KLHDC2: variants seen among roughly 807,000 people sequenced by gnomAD.
KLHDC2 encodes kelch domain containing 2.
Under a neutral mutation model 62.3 loss-of-function variants are expected in KLHDC2, and 38 were observed. The ratio of observed to expected loss-of-function variants is 0.61; its 90% confidence interval spans 0.47 to 0.80. The LOEUF (loss-of-function observed/expected upper bound fraction) is 0.80, where lower values mean the gene tolerates loss of function less well. KLHDC2 is among the 30% of genes least tolerant of loss of function. The pLI is 0.00. For synonymous variants in KLHDC2, 159 were observed against 161.0 expected (o/e 0.99, Z 0.09); for missense variants, 430 against 495.3 (o/e 0.87, Z 1.25).
chr14:49,785,394 A>G lies in KLHDC2; in HGVS notation c.*2441A>G. On this transcript the variant is annotated 3_prime_UTR_variant, in exon 13 of 13. Coordinates refer to ENST00000298307, the MANE Select transcript of KLHDC2 (RefSeq NM_014315.3). The stretch of plus-strand genomic sequence containing the variant: ...CAAAAAATGCTAAAACACTTGAATT[A>G]GTATCTCAACATATTTTTTATCTTT... The G allele has an allele frequency of 1.1e-6, 1 of 942,810 alleles. No individual in the cohort carries two copies. The highest frequency in any genetic ancestry group is 2.1e-4 in the Middle Eastern group (1 of 4,766). 58.4% of individuals were successfully genotyped at this position (942,810 alleles called of 1,614,324 possible). A position where few individuals can be genotyped will look rare whatever the true frequency, so the allele number is the denominator to read the frequency against.
In KLHDC2 at chr14:49,784,877, A is replaced by C. The variant is rs1359335482; in HGVS notation, c.*1924A>C. 1.3e-6 allele frequency: 2 copies of C among 1,516,164 alleles called. No homozygotes were observed. Among genetic ancestry groups the C allele is most frequent in the South Asian group, 2.3e-5 (2 of 86,990 alleles). The allele number at this position is 1,516,164 out of a possible 1,614,324, so 93.9% of individuals were successfully genotyped here. A position where few individuals can be genotyped will look rare whatever the true frequency, so the allele number is the denominator to read the frequency against. On this transcript the variant is annotated 3_prime_UTR_variant, in exon 13 of 13. Transcript: ENST00000298307. ...AATAACAAAAAACTGCTAACATTTT[A>C]AATTGTACTGTCAGTCTCCACATTC...
At chr14:49,779,950 A>G in intron 8 of KLHDC2, 144 bp downstream of exon 8, 1 of 663,090 alleles carries the variant, frequency 1.5e-6, no homozygotes, top group Non-Finnish European at 2.6e-6. Context: ...TAAGGAATGA[A>G]TTTTATTTTT....
chr14:49,780,369 T>TATC (rs1430601701), intron 9 of KLHDC2, 47 bp downstream of exon 9: 2 of 1,207,832 alleles, frequency 1.7e-6, no homozygotes, highest in African/African-American at 3.0e-5. Flanking sequence ...ATATCATCCA[T>TATC]ATCTAATAGC....
intron 10 of KLHDC2, chr14:49,782,069 A>G (rs1200915019): frequency 3.2e-6 from 1 of 310,386 alleles, no homozygotes; most frequent in African/African-American, 2.1e-5. Context: ...AGAAGAAGGC[A>G]TATACTACTC....
intron 12 of KLHDC2, 111 bp downstream of exon 12, chr14:49,782,705 G>A: frequency 7.3e-7 from 1 of 1,378,358 alleles, no homozygotes; most frequent in Non-Finnish European, 1.0e-6. Context: ...AAACTTCATT[G>A]CTATAACCAG....
chr14:49,770,115 T>C (rs552037230), intron 1 of KLHDC2, among the ~76,000 whole-genome samples: 2 of 152,168 alleles, frequency 1.3e-5, no homozygotes, highest in East Asian at 3.9e-4. Context: ...AATAAGACTT[T>C]GGGAGTGGGG....
chr14:49,778,078 T>C (rs1872513680), intron 4 of KLHDC2, 100 bp from the exon 5 acceptor site: 2 of 925,402 alleles, frequency 2.2e-6, no homozygotes, highest in Admixed American at 2.1e-5. Context: ...ATTAACTGAA[T>C]TAATACATGA....
intron 2 of KLHDC2, 148 bp from the exon 3 acceptor site, chr14:49,774,413 T>G: frequency 1.6e-6 from 1 of 625,556 alleles, no homozygotes; most frequent in Non-Finnish European, 2.9e-6. Context: ...GAATTAAGGT[T>G]AGACCTAGGA....
Position 49,777,841 on chromosome 14 carries a change from C to T in KLHDC2, c.354C>T (p.Phe118=). The change falls in exon 4 of 13, where the codon TTC becomes TTT. Residue 118 remains phenylalanine (F), a splice_region_variant and synonymous_variant. Coordinates refer to ENST00000298307, the MANE Select transcript of KLHDC2 (RefSeq NM_014315.3). ...GHHSRGNTNK[F]YMLDSRSTDR... ...ACTGAAATCATTGCTTCTGACAGTT[C>T]TACATGCTGGATTCAAGGTCTACAG... is the stretch of plus-strand genomic sequence containing the variant. 1 of 1,536,990 alleles carries T rather than the reference C, an allele frequency of 6.5e-7. No homozygotes were observed. Among genetic ancestry groups the T allele is most frequent in the Non-Finnish European group, 8.9e-7 (1 of 1,127,214 alleles).
intron 4 of KLHDC2, 99 bp from the exon 5 acceptor site, chr14:49,778,079 T>A: frequency 2.2e-6 from 2 of 928,482 alleles, no homozygotes; most frequent in Non-Finnish European, 3.4e-6. Context: ...TTAACTGAAT[T>A]AATACATGAA....
chr14:49,781,942 GCACAAATGATCTCTCCATAAAACTA>G (rs1889922870), intron 10 of KLHDC2: 1 of 162,338 alleles, frequency 6.2e-6, no homozygotes, highest in Non-Finnish European at 1.3e-5. Context: ...GACTTCATTT[GCACAAATGATCTCTCCATAAAACTA>G]CCAGGCTTTC....
chr14:49,771,196 A>G (rs911635367), intron 1 of KLHDC2, among the ~76,000 whole-genome samples: 2 of 152,118 alleles, frequency 1.3e-5, no homozygotes, highest in African/African-American at 4.8e-5. Flanking sequence ...TAAAAATACA[A>G]AAATTAGCCA....
At position 49,784,936 on chromosome 14, in the gene KLHDC2, G is replaced by A. The variant is rs1315146260; in HGVS notation, c.*1983G>A. ...AAGGAGAACTTTACCTTTACGCTGC[G>A]GAATAAGTCTTTTTCTCTTGCTGTT... On this transcript the variant is annotated 3_prime_UTR_variant, in exon 13 of 13. Coordinates refer to ENST00000298307, the MANE Select transcript of KLHDC2 (RefSeq NM_014315.3). 6.2e-6 allele frequency: 10 copies of A among 1,613,282 alleles called. No homozygotes were observed. The highest frequency in any genetic ancestry group is 4.4e-5 in the South Asian group (4 of 91,024).
Position 49,782,933 on chromosome 14 carries a change from A to G in KLHDC2, c.1201A>G (p.Asn401Asp), listed in dbSNP as rs1363337437. 3.1e-6 allele frequency: 5 copies of G among 1,613,314 alleles called. No homozygotes were observed. The highest frequency in any genetic ancestry group is 4.2e-6 in the Non-Finnish European group (5 of 1,179,696). Residue 401 changes from asparagine to aspartate, a missense_variant, in exon 13 of 13, where the codon AAC (asparagine) becomes GAC (aspartate). Coordinates refer to ENST00000298307, the MANE Select transcript of KLHDC2 (RefSeq NM_014315.3). ...CAGTGTTAATCAGAGGTTTGGTAGT[A>G]ACAACACTTCTGGATCTTAAGGCTT... Reference protein sequence around the residue: ...LHSVNQRFGSNNTSGS With the variant: ...LHSVNQRFGSDNTSGS
chr14:49,779,578 T>A lies in KLHDC2; in HGVS notation c.634-17T>A, dbSNP rs1351124775. The A allele has an allele frequency of 5.6e-6, 9 of 1,605,866 alleles. No individual in the cohort carries two copies. The highest frequency in any genetic ancestry group is 7.7e-6 in the Non-Finnish European group (9 of 1,173,376). On this transcript the variant is annotated splice_polypyrimidine_tract_variant and intron_variant, in intron 6 of 12. Coordinates refer to ENST00000298307, the MANE Select transcript of KLHDC2 (RefSeq NM_014315.3). ...GTTTATAAAAAGTTCACTAACTTGC[T>A]TATGTGCCTCTAATAGGGTAAAGCA...
Position 49,768,305 on chromosome 14 carries a change from A to C in KLHDC2, c.-164A>C. The stretch of plus-strand genomic sequence containing the variant: ...GGCGGAGAGCCGTCCTCGGCCGAGG[A>C]GGCTGGGAAACGCGAGCGCAGGCGG... On this transcript the variant is annotated 5_prime_UTR_variant, in exon 1 of 13. Transcript: ENST00000298307. 2.8e-6 allele frequency: 2 copies of C among 704,594 alleles called. No homozygotes were observed. Among genetic ancestry groups the C allele is most frequent in the Non-Finnish European group, 4.4e-6 (2 of 452,138 alleles). 43.6% of individuals were successfully genotyped at this position (704,594 alleles called of 1,614,324 possible).
At chr14:49,769,818 C>T (rs1889624735) in intron 1 of KLHDC2, among the ~76,000 whole-genome samples, 1 of 151,938 alleles carries the variant, frequency 6.6e-6, no homozygotes, top group Non-Finnish European at 1.5e-5. Context: ...TGACGGGCGC[C>T]CTAATCCCGT....
At chr14:49,779,896 T>TTTTC (rs1182622678) in intron 8 of KLHDC2, 90 bp downstream of exon 8, 2 of 897,178 alleles carry the variant, frequency 2.2e-6, no homozygotes, top group African/African-American at 1.7e-5. Context: ...CTTGCTTAAC[T>TTTTC]TTTCTTTAAC....
At chr14:49,780,372 C>CT (rs747630461) in intron 9 of KLHDC2, 50 bp downstream of exon 9, 1 of 1,198,832 alleles carries the variant, frequency 8.3e-7, no homozygotes, top group South Asian at 1.2e-5. Flanking sequence ...TCATCCATAT[C>CT]TAATAGCTGA....
Sources: allele counts gnomAD v4.1 joint callset (sites outside exome capture counted in the v4.1 genomes callset), GRCh38; gene constraint gnomAD v4.1.1; transcripts MANE v1.5; gene names NCBI Gene and HGNC (gene_info 2026-07-23, HGNC 2026-07-21).